KCNMA1: variants seen among roughly 807,000 people sequenced by gnomAD.
KCNMA1 encodes the protein Calcium-activated potassium channel subunit alpha-1.
A neutral mutation model predicts 140.0 loss-of-function variants in KCNMA1; 29 were observed. The observed-to-expected ratio is 0.21, with a 90% CI of 0.15 to 0.28. The LOEUF (loss-of-function observed/expected upper bound fraction) is 0.28. Among genes scored for constraint, KCNMA1 ranks in the 10% least tolerant of loss-of-function variants. The probability of loss-of-function intolerance (pLI) is 1.00; values close to 1 mark genes in which losing one functional copy is unlikely to be tolerated. For missense variants in KCNMA1, 880 were observed against 1,602.2 expected (o/e 0.55, Z 7.70); for synonymous variants, 612 against 611.9 (o/e 1.00, Z 0.00).
intron 1 of KCNMA1, among the ~76,000 whole-genome samples, chr10:77,535,487 G>T (rs1213449529): frequency 2.0e-5 from 3 of 152,144 alleles, no homozygotes; most frequent in African/African-American, 7.2e-5. Flanking sequence ...CAGTATGAAG[G>T]TTCCTCAAAA....
intron 1 of KCNMA1, among the ~76,000 whole-genome samples, chr10:77,455,471 T>C (rs1237367831): frequency 6.6e-6 from 1 of 152,132 alleles, no homozygotes; most frequent in East Asian, 1.9e-4. Context: ...GAGTGCTCCT[T>C]TGCCATGTGA....
At chr10:77,167,184 C>T (rs2098652355) in intron 5 of KCNMA1, among the ~76,000 whole-genome samples, 1 of 140,756 alleles carries the variant, frequency 7.1e-6, no homozygotes, top group African/African-American at 2.4e-5. Flanking sequence ...TTCATGAGAT[C>T]CCCTTTTTTT....
At chr10:77,257,077 T>G (rs1458357288) in intron 2 of KCNMA1, among the ~76,000 whole-genome samples, 2 of 151,856 alleles carry the variant, frequency 1.3e-5, no homozygotes, top group African/African-American at 4.8e-5. Flanking sequence ...ACCACTACAC[T>G]CCAACGTGGG....
intron 2 of KCNMA1, among the ~76,000 whole-genome samples, chr10:77,355,400 T>C (rs1470738358): frequency 1.3e-5 from 2 of 152,208 alleles, no homozygotes; most frequent in Non-Finnish European, 2.9e-5. Flanking sequence ...ATGTTCTCTG[T>C]TCCGTGGCAG....
chr10:77,270,822 C>T (rs2154280634), intron 2 of KCNMA1, among the ~76,000 whole-genome samples: 1 of 152,116 alleles, frequency 6.6e-6, no homozygotes, highest in South Asian at 2.1e-4. Flanking sequence ...TGAGGGTAAA[C>T]TTCATCCCAG....
Position 76,891,703 on chromosome 10 carries a change from T to A in KCNMA1, c.3164A>T (p.Asn1055Ile), listed in dbSNP as rs1426733401. 1 of 1,613,804 alleles carries A rather than the reference T, an allele frequency of 6.2e-7. No individual in the cohort carries two copies. Among genetic ancestry groups the A allele is most frequent in the Non-Finnish European group, 8.5e-7 (1 of 1,179,962 alleles). The change falls in exon 26 of 28, where the codon AAT (asparagine) becomes ATT (isoleucine). Residue 1055 changes from asparagine (N) to isoleucine (I), a missense_variant. Asn to Ile is a moderately radical substitution (Grantham distance 149, BLOSUM62 -3). Coordinates refer to ENST00000286628, the MANE Select transcript of KCNMA1 (RefSeq NM_001161352.2). ...SLMSATYFND[N>I]ILTLIRTLVT... The stretch of plus-strand genomic sequence containing the variant: ...CAGGGTCCGTATCAGGGTGAGGATA[T>A]TGTCATTGAAGTACGTCTGGGGAAG...
At chr10:77,450,549 T>G (rs767341789) in intron 1 of KCNMA1, among the ~76,000 whole-genome samples, 11 of 152,238 alleles carry the variant, frequency 7.2e-5, no homozygotes, top group Non-Finnish European at 1.5e-4. Context: ...ATAATTTTTC[T>G]GTATTTGCCA....
chr10:77,394,516 G>A (rs1466712860), intron 2 of KCNMA1, among the ~76,000 whole-genome samples: 2 of 152,212 alleles, frequency 1.3e-5, no homozygotes, highest in Non-Finnish European at 2.9e-5. Flanking sequence ...CAGTGGGCAG[G>A]TGGATGGAGA....
At chr10:76,941,155 G>GA (rs1343493121) in intron 23 of KCNMA1, among the ~76,000 whole-genome samples, 37 of 54,494 alleles carry the variant, frequency 6.8e-4, no homozygotes, top group East Asian at 1.7e-3. Flanking sequence ...GAAGGGAAGG[G>GA]AGGGAAGGGA....
chr10:77,041,815 G>C (rs138182027), intron 14 of KCNMA1, among the ~76,000 whole-genome samples: 399 of 152,274 alleles, frequency 2.6e-3, no homozygotes, highest in Admixed American at 4.2e-3. Flanking sequence ...CTTTAGAACG[G>C]CTTGTGCTTA....
At chr10:77,226,512 C>T (rs1000891015) in intron 3 of KCNMA1, among the ~76,000 whole-genome samples, 6 of 151,840 alleles carry the variant, frequency 4.0e-5, no homozygotes, top group East Asian at 3.9e-4. Flanking sequence ...GAGACAGCCA[C>T]GAGAAGGCCC....
intron 1 of KCNMA1, among the ~76,000 whole-genome samples, chr10:77,421,804 G>A (rs1220120156): frequency 1.3e-5 from 2 of 152,216 alleles, no homozygotes; most frequent in East Asian, 1.9e-4. Context: ...CGGAAGCCAC[G>A]TCTTGTTCAC....
At position 77,573,037 on chromosome 10, in the gene KCNMA1, T is replaced by G. The variant is rs118124383; in HGVS notation, c.378+64228A>C. Among the ~76,000 whole-genome samples the G allele has an allele frequency of 2.5e-3, 377 of 152,196 alleles. 1 individual carries two copies. The highest frequency in any genetic ancestry group is 0.014 in the East Asian group (73 of 5,172). ...CTTCCACTCACCACCAGCCCCTCCA[T>G]GAATTAGGTAAAAACACTCACTTTT... On this transcript the variant is annotated intron_variant, in intron 1 of 27. Transcript: ENST00000286628.
At chr10:77,133,695 G>A (rs11002032) in intron 5 of KCNMA1, among the ~76,000 whole-genome samples, 2,139 of 152,148 alleles carry the variant, frequency 0.014, 75 homozygotes, top group East Asian at 0.14. Flanking sequence ...ACAAATATAG[G>A]ACATTTAAGT....
intron 1 of KCNMA1, among the ~76,000 whole-genome samples, chr10:77,625,436 T>C (rs2092355090): frequency 6.6e-6 from 1 of 152,148 alleles, no homozygotes; most frequent in African/African-American, 2.4e-5. Context: ...CACTTAAAAA[T>C]GTGCATGTTT....
At chr10:77,324,066 T>C (rs1251600567) in intron 2 of KCNMA1, among the ~76,000 whole-genome samples, 1 of 152,194 alleles carries the variant, frequency 6.6e-6, no homozygotes, top group African/African-American at 2.4e-5. Flanking sequence ...GTGGTAAGGA[T>C]GGGCACAGAA....
chr10:76,944,115 G>A (rs907689283), intron 23 of KCNMA1, among the ~76,000 whole-genome samples: 2 of 152,180 alleles, frequency 1.3e-5, no homozygotes, highest in African/African-American at 2.4e-5. Flanking sequence ...AGGTTTTGCT[G>A]TGTTGCCTTT....
chr10:77,419,311 C>T (rs569063804), intron 1 of KCNMA1, among the ~76,000 whole-genome samples: 1 of 152,344 alleles, frequency 6.6e-6, no homozygotes, highest in South Asian at 2.1e-4. Context: ...CTTGGAAAGA[C>T]GCCCCACGTC....
At chr10:77,474,421 T>C (rs2098233682) in intron 1 of KCNMA1, among the ~76,000 whole-genome samples, 2 of 152,018 alleles carry the variant, frequency 1.3e-5, no homozygotes, top group Admixed American at 1.3e-4. Context: ...CATGTGAAGA[T>C]ACAGGGAAAA....
Sources: allele counts gnomAD v4.1 joint callset (sites outside exome capture counted in the v4.1 genomes callset), GRCh38; gene constraint gnomAD v4.1.1; transcripts MANE v1.5; gene names NCBI Gene and HGNC (gene_info 2026-07-23, HGNC 2026-07-21).